TRMT11: variants seen among roughly 807,000 people sequenced by gnomAD.
TRMT11 encodes tRNA (guanine(10)-N(2))-methyltransferase TRMT11.
Under a neutral mutation model 62.8 loss-of-function variants are expected in TRMT11, and 53 were observed. The observed-to-expected ratio is 0.84, with a 90% CI of 0.68 to 1.06. The LOEUF is 1.06. Ranked by LOEUF, TRMT11 falls within the 50% of genes least tolerant of loss-of-function variation. The pLI is 0.00. For missense variants in TRMT11, 556 were observed against 553.4 expected (o/e 1.00, Z -0.05); for synonymous variants, 188 against 190.3 (o/e 0.99, Z 0.10).
chr6:126,204,684 T>A (rs1778773217), downstream of TRMT11, among the ~76,000 whole-genome samples: 1 of 152,218 alleles, frequency 6.6e-6, no homozygotes, highest in African/African-American at 2.4e-5. Flanking sequence ...TGGTGAGATT[T>A]CATTTCCTTG....
the TRMT11 span, among the ~76,000 whole-genome samples, chr6:126,251,650 A>G: frequency 6.6e-6 from 1 of 152,254 alleles, no homozygotes; most frequent in Admixed American, 6.5e-5. Flanking sequence ...AGCCCGTGGT[A>G]ACCTCCATTC....
At chr6:126,012,701 A>G (rs533429060) in intron 9 of TRMT11, 70 bp from the exon 10 acceptor site, 4 of 1,139,980 alleles carry the variant, frequency 3.5e-6, no homozygotes, top group South Asian at 2.7e-5. Context: ...TGAAGGCAGC[A>G]TGGCTGTTTG....
chr6:126,159,955 A>AT (rs1244466714), intron 21 of TRMT11, among the ~76,000 whole-genome samples: 2 of 152,188 alleles, frequency 1.3e-5, no homozygotes, highest in African/African-American at 4.8e-5. Flanking sequence ...AATATAAGTG[A>AT]TAAAAAAAGT....
the TRMT11 span, among the ~76,000 whole-genome samples, chr6:126,221,153 A>G: frequency 6.6e-6 from 1 of 152,190 alleles, no homozygotes; most frequent in South Asian, 2.1e-4. Context: ...TTCTTTATTC[A>G]GTCCACTGAT....
chr6:126,187,598 A>G (rs1778541455), intron 1 of TRMT11, among the ~76,000 whole-genome samples: 1 of 152,060 alleles, frequency 6.6e-6, no homozygotes, highest in Admixed American at 6.6e-5. Flanking sequence ...GATAAATTCT[A>G]AAACTTCTGA....
intron 7 of TRMT11, among the ~76,000 whole-genome samples, chr6:126,006,614 C>A (rs1305369120): frequency 6.6e-6 from 1 of 150,896 alleles, no homozygotes; most frequent in African/African-American, 2.4e-5. Context: ...TTTTTAGCAC[C>A]CCTTCTTCCA....
chr6:126,103,579 C>A lies in TRMT11; in HGVS notation c.*1438-9287C>A, dbSNP rs75904810. On this transcript the variant is annotated intron_variant and NMD_transcript_variant, in intron 17 of 22. Transcript: ENST00000648977. The stretch of plus-strand genomic sequence containing the variant: ...AAGTGGAGATGGTTCTGCTTCCAAA[C>A]TCACTTAGGTTGTTGGCAAAAGTCA... 8.9e-3 allele frequency among the ~76,000 whole-genome samples: 1,356 copies of A among 152,284 alleles called. 23 individuals are homozygous for A. The highest frequency in any genetic ancestry group is 0.031 in the African/African-American group (1,291 of 41,550).
chr6:126,125,726 G>A (rs1210132017), intron 21 of TRMT11, among the ~76,000 whole-genome samples: 4 of 151,908 alleles, frequency 2.6e-5, no homozygotes, highest in South Asian at 2.1e-4. Context: ...ACCTACCTCC[G>A]TTGTTCACTG....
exon 20 of TRMT11, among the ~76,000 whole-genome samples, chr6:126,115,442 T>C (rs752225176): frequency 6.6e-6 from 1 of 152,138 alleles, no homozygotes; most frequent in East Asian, 1.9e-4. Flanking sequence ...GCAGTGAAGA[T>C]TGAATGCTAT....
intron 12 of TRMT11, among the ~76,000 whole-genome samples, chr6:126,027,017 A>G (rs533622448): frequency 1.1e-4 from 17 of 151,822 alleles, no homozygotes; most frequent in African/African-American, 4.1e-4. Context: ...CATGTTAGCC[A>G]GGATGGTCTC....
chr6:126,167,940 G>A (rs960239932), intron 21 of TRMT11, among the ~76,000 whole-genome samples: 2 of 152,174 alleles, frequency 1.3e-5, no homozygotes, highest in Non-Finnish European at 2.9e-5. Flanking sequence ...TTATTCAGAA[G>A]CCTGTGATGT....
At chr6:126,058,418 A>G (rs1447451848) in intron 17 of TRMT11, among the ~76,000 whole-genome samples, 1 of 152,166 alleles carries the variant, frequency 6.6e-6, no homozygotes, top group Non-Finnish European at 1.5e-5. Flanking sequence ...ATAAACATAC[A>G]TGTGCATGTG....
At chr6:126,125,901 T>C (rs1253272911) in intron 21 of TRMT11, among the ~76,000 whole-genome samples, 1 of 152,142 alleles carries the variant, frequency 6.6e-6, no homozygotes, top group Non-Finnish European at 1.5e-5. Context: ...AAGAGCTCTC[T>C]CTTCTTTCTC....
chr6:126,009,044 G>C (rs1277638521), intron 8 of TRMT11, among the ~76,000 whole-genome samples: 2 of 151,820 alleles, frequency 1.3e-5, no homozygotes, highest in African/African-American at 4.8e-5. Flanking sequence ...GGAAGTGCAG[G>C]AAAGTGATAA....
chr6:126,157,960 A>T (rs1312969139), intron 21 of TRMT11, among the ~76,000 whole-genome samples: 1 of 152,304 alleles, frequency 6.6e-6, no homozygotes, highest in South Asian at 2.1e-4. Context: ...TGTAACCAAC[A>T]CTAGATCAAA....
intron 12 of TRMT11, among the ~76,000 whole-genome samples, chr6:126,025,794 GTC>G (rs1772953989): frequency 6.6e-6 from 1 of 152,170 alleles, no homozygotes; most frequent in Non-Finnish European, 1.5e-5. Context: ...TGTATACTGT[GTC>G]TCTTCATTTT....
intron 16 of TRMT11, among the ~76,000 whole-genome samples, chr6:126,044,718 T>C (rs1775995661): frequency 1.3e-5 from 2 of 152,184 alleles, no homozygotes; most frequent in Admixed American, 1.3e-4. Context: ...CCTTGGAAGA[T>C]AGTGTCTTCC....
the TRMT11 span, among the ~76,000 whole-genome samples, chr6:126,270,563 A>G: frequency 1.3e-5 from 2 of 152,232 alleles, no homozygotes; most frequent in African/African-American, 2.4e-5. Context: ...TATTGTATCA[A>G]TGTTACACTT....
intron 17 of TRMT11, among the ~76,000 whole-genome samples, chr6:126,063,592 G>A (rs1404186718): frequency 6.6e-6 from 1 of 152,200 alleles, no homozygotes; most frequent in African/African-American, 2.4e-5. Context: ...TTAATGTGCA[G>A]ACGAATCCCC....
Sources: gnomAD v4.1 joint callset for allele counts (sites outside exome capture counted in the v4.1 genomes callset) on GRCh38, gnomAD v4.1.1 for gene constraint, MANE v1.5 for transcripts, NCBI Gene and HGNC (gene_info 2026-07-23, HGNC 2026-07-21) for gene names.